The following APBA2 variants were observed in gnomAD, a reference collection of about 807,000 sequenced individuals.
APBA2 encodes amyloid-beta A4 precursor protein-binding family A member 2.
Under a neutral mutation model 75.0 loss-of-function variants are expected in APBA2, and 30 were observed. The ratio of observed to expected loss-of-function variants is 0.40; its 90% CI spans 0.30 to 0.54. The LOEUF is 0.54. Among genes scored for constraint, APBA2 ranks in the 20% least tolerant of loss-of-function variants. The probability of loss-of-function intolerance (pLI) is 0.49; values close to 1 mark genes in which losing one functional copy is unlikely to be tolerated. For synonymous variants in APBA2, 444 were observed against 409.6 expected (o/e 1.08, Z -1.01); for missense variants, 801 against 1,016.1 (o/e 0.79, Z 2.88).
chr15:29,100,865 G>T (rs543022690), intron 9 of APBA2, among the ~76,000 whole-genome samples: 7 of 152,274 alleles, frequency 4.6e-5, no homozygotes, highest in African/African-American at 1.4e-4. Flanking sequence ...CAGCCCGAGA[G>T]CTCACCTGAC....
chr15:28,984,647 T>C (rs2037803109), intron 2 of APBA2, among the ~76,000 whole-genome samples: 1 of 151,696 alleles, frequency 6.6e-6, no homozygotes, highest in Non-Finnish European at 1.5e-5. Context: ...CCCACTGCCA[T>C]CTCTGGGTGC....
At position 28,937,974 on chromosome 15, in the gene APBA2, G is replaced by A. The variant is rs372848798; in HGVS notation, c.-95+16225G>A. Among the ~76,000 whole-genome samples, 460 of 152,200 alleles carry A rather than the reference G, an allele frequency of 3.0e-3. 3 individuals are homozygous for A. The highest frequency in any genetic ancestry group is 0.01 in the African/African-American group (424 of 41,524). ...GCCTGGCCCCCTTCTGGAGTATTTC[G>A]TTCATTAGAAGTAAGTCAGGGACTT... is the stretch of plus-strand genomic sequence containing the variant. On this transcript the variant is annotated intron_variant, in intron 2 of 14. Coordinates refer to ENST00000683413, the MANE Select transcript of APBA2 (RefSeq NM_001353788.2).
chr15:29,040,944 TGACTG>T lies in APBA2; in HGVS notation c.-40-12900_-40-12896del, dbSNP rs1214373420. The stretch of plus-strand genomic sequence containing the variant: ...GTTGAAATTATCAAAGACTTTAAAG[TGACTG>T]TTATAACCATGTTCCATGAGGTAAA... On this transcript the variant is annotated intron_variant, in intron 3 of 14. Coordinates refer to ENST00000683413, the MANE Select transcript of APBA2 (RefSeq NM_001353788.2). Among the ~76,000 whole-genome samples, 66 of 152,084 alleles carry T rather than the reference TGACTG, an allele frequency of 4.3e-4. 1 individual carries two copies. In the East Asian group the frequency reaches 0.013, roughly 29 times the overall value.
chr15:29,039,491 G>T (rs532928917), intron 3 of APBA2, among the ~76,000 whole-genome samples: 2 of 152,248 alleles, frequency 1.3e-5, no homozygotes, highest in South Asian at 4.2e-4. Flanking sequence ...AGCCTTGGCT[G>T]CATGTCAGCC....
intron 14 of APBA2, among the ~76,000 whole-genome samples, chr15:29,115,591 T>C (rs2152986743): frequency 6.6e-6 from 1 of 152,034 alleles, no homozygotes; most frequent in Middle Eastern, 3.4e-3. Flanking sequence ...GGCCGGGGCG[T>C]TGGAATCCTT....
intron 2 of APBA2, among the ~76,000 whole-genome samples, chr15:28,946,569 A>C (rs183308676): frequency 7.9e-5 from 12 of 151,752 alleles, no homozygotes; most frequent in Admixed American, 6.6e-5. Flanking sequence ...CTTTCTTTTT[A>C]TTTTCTTTCT....
intron 2 of APBA2, among the ~76,000 whole-genome samples, chr15:28,954,826 C>G (rs7168529): frequency 0.03 from 4,577 of 152,312 alleles, 85 homozygotes; most frequent in Non-Finnish European, 0.031. Context: ...TCCCCATCTG[C>G]TTTGGCATCC....
chr15:28,957,162 T>G (rs1042604855), intron 2 of APBA2, among the ~76,000 whole-genome samples: 2 of 152,182 alleles, frequency 1.3e-5, no homozygotes, highest in African/African-American at 4.8e-5. Flanking sequence ...AAGCTCCGCC[T>G]CCCGGGTTCA....
intron 6 of APBA2, among the ~76,000 whole-genome samples, chr15:29,087,254 C>T (rs369937774): frequency 5.9e-5 from 9 of 151,284 alleles, no homozygotes; most frequent in African/African-American, 2.2e-4. Flanking sequence ...CCATTTTTGC[C>T]ATTTTTTTTT....
At chr15:28,923,963 G>A (rs192566472) in intron 2 of APBA2, among the ~76,000 whole-genome samples, 2 of 152,328 alleles carry the variant, frequency 1.3e-5, no homozygotes, top group East Asian at 3.9e-4. Flanking sequence ...ATTCTTTGTT[G>A]GTTTTGAGTG....
At chr15:28,969,386 G>T (rs948024939) in intron 2 of APBA2, among the ~76,000 whole-genome samples, 8 of 151,864 alleles carry the variant, frequency 5.3e-5, no homozygotes, top group African/African-American at 1.9e-4. Context: ...TCACCTATAG[G>T]CCAGGCTGGT....
intron 6 of APBA2, among the ~76,000 whole-genome samples, chr15:29,089,841 C>T (rs142250594): frequency 0.01 from 1,554 of 152,276 alleles, 30 homozygotes; most frequent in African/African-American, 0.036. Flanking sequence ...GATCTTTAAA[C>T]CTGTATCTTG....
chr15:28,925,648 T>A (rs1388442057), intron 2 of APBA2, among the ~76,000 whole-genome samples: 2 of 152,244 alleles, frequency 1.3e-5, no homozygotes, highest in Non-Finnish European at 2.9e-5. Context: ...TGTATTTTGC[T>A]GTAGTTGGAT....
chr15:29,099,231 C>G (rs189603664), intron 9 of APBA2, among the ~76,000 whole-genome samples: 141 of 152,334 alleles, frequency 9.3e-4, no homozygotes, highest in Non-Finnish European at 1.9e-3. Flanking sequence ...AGCCCCATGC[C>G]TCATCACCCA....
At chr15:29,058,638 C>T (rs2042004345) in intron 4 of APBA2, among the ~76,000 whole-genome samples, 1 of 152,242 alleles carries the variant, frequency 6.6e-6, no homozygotes, top group African/African-American at 2.4e-5. Context: ...GGGAGCCCTC[C>T]CACCTGTGCC....
chr15:29,009,147 G>A (rs188151803), intron 3 of APBA2, among the ~76,000 whole-genome samples: 414 of 152,298 alleles, frequency 2.7e-3, no homozygotes, highest in African/African-American at 9.5e-3. Flanking sequence ...TACCATGACA[G>A]CAGGCAGAGC....
chr15:29,030,445 G>C (rs1460423142), intron 3 of APBA2, among the ~76,000 whole-genome samples: 1 of 152,054 alleles, frequency 6.6e-6, no homozygotes, highest in East Asian at 1.9e-4. Context: ...CTGGGCCACA[G>C]AGCCAGACTC....
At chr15:29,093,425 T>C (rs1370718180) in intron 7 of APBA2, among the ~76,000 whole-genome samples, 2 of 152,190 alleles carry the variant, frequency 1.3e-5, no homozygotes, top group Non-Finnish European at 2.9e-5. Flanking sequence ...GGCAACCAGC[T>C]CCTTAACAAG....
At chr15:29,026,635 C>T (rs911935340) in intron 3 of APBA2, among the ~76,000 whole-genome samples, 5 of 152,064 alleles carry the variant, frequency 3.3e-5, no homozygotes, top group South Asian at 2.1e-4. Flanking sequence ...TAGAACAGGC[C>T]GGGCATGGTG....
Sources: gnomAD v4.1 joint callset for allele counts (sites outside exome capture counted in the v4.1 genomes callset) on GRCh38, gnomAD v4.1.1 for gene constraint, MANE v1.5 for transcripts, NCBI Gene and HGNC (gene_info 2026-07-23, HGNC 2026-07-21) for gene names.